Variants in NRXN1 observed in about 807,000 individuals in gnomAD.
NRXN1 encodes the protein neurexin-1.
NRXN1 carries 39 observed loss-of-function variants against 150.9 expected under a neutral mutation model. The observed-to-expected ratio is 0.26, with a 90% CI of 0.20 to 0.34. NRXN1 has a LOEUF of 0.34. Ranked by LOEUF, NRXN1 falls within the 10% of genes least tolerant of loss-of-function variation. NRXN1 has a pLI of 1.00. For synonymous variants in NRXN1, 924 were observed against 757.0 expected (o/e 1.22, Z -3.62); for missense variants, 1,815 against 1,949.9 (o/e 0.93, Z 1.30).
At chr2:49,947,024 T>G (rs1237837941) in intron 21 of NRXN1, among the ~76,000 whole-genome samples, 1 of 152,150 alleles carries the variant, frequency 6.6e-6, no homozygotes, top group Non-Finnish European at 1.5e-5. Flanking sequence ...TCTTGCTGGG[T>G]AATATACAAA....
chr2:50,988,477 T>A (rs1173597838), intron 2 of NRXN1, among the ~76,000 whole-genome samples: 1 of 151,924 alleles, frequency 6.6e-6, no homozygotes, highest in Non-Finnish European at 1.5e-5. Context: ...CAAACGAGAA[T>A]GCTGTCTAAA....
At chr2:50,109,445 C>CA (rs770801041) in intron 18 of NRXN1, among the ~76,000 whole-genome samples, 6 of 151,716 alleles carry the variant, frequency 4.0e-5, no homozygotes, top group African/African-American at 9.7e-5. Context: ...AAAATTTAGC[C>CA]AAAAAAACCC....
At chr2:50,428,948 T>C (rs1424094379) in intron 17 of NRXN1, among the ~76,000 whole-genome samples, 1 of 152,180 alleles carries the variant, frequency 6.6e-6, no homozygotes, top group African/African-American at 2.4e-5. Flanking sequence ...CTGAACAATA[T>C]GAAACTATGT....
intron 17 of NRXN1, among the ~76,000 whole-genome samples, chr2:50,446,293 A>G (rs2086394220): frequency 6.6e-6 from 1 of 152,124 alleles, no homozygotes; most frequent in Non-Finnish European, 1.5e-5. Context: ...TCTGGCTTTT[A>G]TTTTATATCT....
chr2:49,942,479 T>G (rs1572960922), intron 22 of NRXN1, among the ~76,000 whole-genome samples: 1 of 152,322 alleles, frequency 6.6e-6, no homozygotes, highest in African/African-American at 2.4e-5. Context: ...GCAAATTCAT[T>G]ACTTTCTTGT....
chr2:50,107,967 A>C (rs546860261), intron 18 of NRXN1, among the ~76,000 whole-genome samples: 34 of 151,932 alleles, frequency 2.2e-4, no homozygotes, highest in South Asian at 6.2e-4. Flanking sequence ...ACTGAGTCAT[A>C]AAAATGTCAC....
intron 21 of NRXN1, among the ~76,000 whole-genome samples, chr2:50,020,394 C>T (rs1296489582): frequency 6.6e-6 from 1 of 152,154 alleles, no homozygotes; most frequent in Non-Finnish European, 1.5e-5. Flanking sequence ...TGAAAGTGAG[C>T]TTATGAAACA....
chr2:50,631,074 T>C (rs753680096), intron 5 of NRXN1: 3 of 449,302 alleles, frequency 6.7e-6, no homozygotes, highest in South Asian at 5.3e-5. Flanking sequence ...AAACAATAAA[T>C]TGATTATTAC....
chr2:50,521,459 T>C (rs1236596376), intron 12 of NRXN1, among the ~76,000 whole-genome samples: 1 of 152,216 alleles, frequency 6.6e-6, no homozygotes, highest in African/African-American at 2.4e-5. Flanking sequence ...AGCCTTTTAG[T>C]ATTTCTTATT....
intron 21 of NRXN1, among the ~76,000 whole-genome samples, chr2:50,000,679 C>A (rs1558666489): frequency 6.6e-6 from 1 of 152,134 alleles, no homozygotes; most frequent in African/African-American, 2.4e-5. Context: ...GTCCCAGAGT[C>A]TAGAGTCATT....
rs199598616 is a variant in NRXN1 at position 50,922,730 on chromosome 2, C to G, written c.791-43G>C. ...GCACAGTCAGCAATAAACAAGGGAG[C>G]ATGGGAAGGCAGGGTTGTCACGGTG... On this transcript the variant is annotated intron_variant, in intron 3 of 22. Coordinates refer to ENST00000401669, the MANE Select transcript of NRXN1 (RefSeq NM_001330078.2). 6.4e-5 allele frequency: 102 copies of G among 1,600,140 alleles called. 1 individual carries two copies. The highest frequency in any genetic ancestry group is 3.3e-4 in the Middle Eastern group (2 of 6,054).
chr2:50,788,897 A>G (rs974910952), intron 5 of NRXN1, among the ~76,000 whole-genome samples: 1 of 152,170 alleles, frequency 6.6e-6, no homozygotes, highest in Non-Finnish European at 1.5e-5. Context: ...TGATCATGGA[A>G]GGTTTCTCAA....
At chr2:50,040,962 C>A (rs1376339828) in intron 21 of NRXN1, among the ~76,000 whole-genome samples, 1 of 152,006 alleles carries the variant, frequency 6.6e-6, no homozygotes, top group African/African-American at 2.4e-5. Flanking sequence ...GTGTGCTGCA[C>A]CCATTAACTC....
intron 5 of NRXN1, among the ~76,000 whole-genome samples, chr2:50,706,352 G>A (rs760914851): frequency 7.9e-5 from 12 of 152,094 alleles, no homozygotes; most frequent in Non-Finnish European, 1.6e-4. Flanking sequence ...ATCACATCAC[G>A]CATGAGATAC....
At chr2:50,737,501 T>C (rs1698910337) in intron 5 of NRXN1, among the ~76,000 whole-genome samples, 1 of 152,212 alleles carries the variant, frequency 6.6e-6, no homozygotes, top group Non-Finnish European at 1.5e-5. Flanking sequence ...TTTTAAAATG[T>C]AAATGATAGA....
intron 18 of NRXN1, among the ~76,000 whole-genome samples, chr2:50,181,699 T>C (rs2060727735): frequency 6.6e-6 from 1 of 152,144 alleles, no homozygotes; most frequent in Non-Finnish European, 1.5e-5. Flanking sequence ...TTTTACTTTT[T>C]TTGTTTACTT....
intron 17 of NRXN1, among the ~76,000 whole-genome samples, chr2:50,239,872 C>T (rs1013031322): frequency 1.3e-5 from 2 of 149,818 alleles, no homozygotes; most frequent in African/African-American, 4.9e-5. Flanking sequence ...TTCTTCTCAC[C>T]TCACAATACT....
intron 9 of NRXN1, chr2:50,551,386 A>G (rs1425346900): frequency 6.6e-6 from 1 of 152,246 alleles, no homozygotes; most frequent in Non-Finnish European, 1.5e-5. Flanking sequence ...TTCTTGATCT[A>G]TAAACAGCAG....
At chr2:50,109,957 A>C (rs1702160420) in intron 18 of NRXN1, among the ~76,000 whole-genome samples, 1 of 152,174 alleles carries the variant, frequency 6.6e-6, no homozygotes, top group South Asian at 2.1e-4. Flanking sequence ...TATATTGACA[A>C]TGGTTTCGAT....
Sources: gnomAD v4.1 joint callset for allele counts (sites outside exome capture counted in the v4.1 genomes callset) on GRCh38, gnomAD v4.1.1 for gene constraint, MANE v1.5 for transcripts, NCBI Gene and HGNC (gene_info 2026-07-23, HGNC 2026-07-21) for gene names.